The following KRT75 variants were observed in gnomAD, a reference collection of about 807,000 sequenced individuals.
KRT75 encodes the protein keratin 75.
In KRT75, 35 loss-of-function variants were observed where a neutral mutation model predicts 48.8. That is an observed-to-expected ratio of 0.72 (90% CI 0.55 to 0.95). The LOEUF is 0.95. KRT75 is among the 40% of genes least tolerant of loss of function. The pLI, the probability that KRT75 is intolerant of heterozygous loss-of-function variation, is 0.00. For synonymous variants in KRT75, 301 were observed against 282.3 expected (o/e 1.07, Z -0.66); for missense variants, 776 against 709.9 (o/e 1.09, Z -1.06).
At chr12:52,432,192 T>C in intron 2 of KRT75, 126 bp from the exon 3 acceptor site, 1 of 850,382 alleles carries the variant, frequency 1.2e-6, no homozygotes, top group Non-Finnish European at 1.9e-6. Flanking sequence ...GGCATGACTT[T>C]GGGTGATTCA....
At chr12:52,428,857 C>T in intron 5 of KRT75, 114 bp from the exon 6 acceptor site, 1 of 1,256,220 alleles carries the variant, frequency 8.0e-7, no homozygotes, top group East Asian at 2.3e-5. Flanking sequence ...CCTGGTCATT[C>T]ACTCATTCCC....
chr12:52,426,315 G>A (rs1022016300), intron 8 of KRT75, among the ~76,000 whole-genome samples: 1 of 152,212 alleles, frequency 6.6e-6, no homozygotes, highest in African/African-American at 2.4e-5. Flanking sequence ...TCCTTCTGCA[G>A]TTATACTCGG....
rs763704426 is a variant in KRT75 at position 52,433,247 on chromosome 12, C to A, written c.504G>T (p.Arg168Ser). 3.8e-5 allele frequency: 61 copies of A among 1,613,618 alleles called. No homozygotes were observed. Among genetic ancestry groups the A allele is most frequent in the Non-Finnish European group, 5.0e-5 (59 of 1,179,780 alleles). ...NKFASFIDKVRFLEQQNKVLE... is the reference protein window; with the variant it reads ...NKFASFIDKVSFLEQQNKVLE... Reference sequence around the variant, plus strand: ...GGACCTTGTTCTGCTGCTCCAAGAACCTCACCTGGAGGGAAGAAGAGAGAA... The same window carrying A: ...GGACCTTGTTCTGCTGCTCCAAGAAACTCACCTGGAGGGAAGAAGAGAGAA... Residue 168 changes from arginine to serine, a missense_variant, in exon 2 of 9, where the codon AGG becomes AGT. Transcript: ENST00000252245.
At chr12:52,426,210 G>A (rs1028980151) in intron 8 of KRT75, among the ~76,000 whole-genome samples, 2 of 152,176 alleles carry the variant, frequency 1.3e-5, no homozygotes, top group African/African-American at 4.8e-5. Flanking sequence ...CCAGCACAGG[G>A]CCATGCCAGC....
At chr12:52,432,553 T>G (rs1409238830) in intron 2 of KRT75, among the ~76,000 whole-genome samples, 1 of 152,100 alleles carries the variant, frequency 6.6e-6, no homozygotes, top group Non-Finnish European at 1.5e-5. Context: ...CTGGACCAAA[T>G]CCCTTTCCAC....
intron 8 of KRT75, among the ~76,000 whole-genome samples, chr12:52,425,147 G>T (rs144216417): frequency 1.3e-5 from 2 of 152,200 alleles, no homozygotes; most frequent in African/African-American, 4.8e-5. Context: ...TTCCCTCAGC[G>T]TCTCCCAGCC....
chr12:52,430,394 A>G, intron 5 of KRT75, 147 bp downstream of exon 5: 2 of 860,856 alleles, frequency 2.3e-6, no homozygotes, highest in Non-Finnish European at 1.9e-6. Context: ...ATGCATTTCA[A>G]GCTAAGTTGT....
chr12:52,429,407 A>G (rs1940115313), intron 5 of KRT75, among the ~76,000 whole-genome samples: 1 of 152,148 alleles, frequency 6.6e-6, no homozygotes, highest in Non-Finnish European at 1.5e-5. Flanking sequence ...TCTCAATCTA[A>G]TGGTGCATAT....
At chr12:52,428,127 A>T in intron 7 of KRT75, 129 bp downstream of exon 7, 1 of 1,170,884 alleles carries the variant, frequency 8.5e-7, no homozygotes, top group Non-Finnish European at 1.2e-6. Context: ...TTTTTGCCAT[A>T]GCCCAATTCT....
intron 2 of KRT75, 82 bp downstream of exon 2, chr12:52,432,956 T>G: frequency 7.2e-7 from 1 of 1,394,034 alleles, no homozygotes; most frequent in African/African-American, 1.4e-5. Flanking sequence ...ATATCGGCAT[T>G]TGCTCCTTTG....
intron 7 of KRT75, among the ~76,000 whole-genome samples, chr12:52,427,910 T>C (rs570666865): frequency 1.3e-5 from 2 of 152,284 alleles, no homozygotes; most frequent in Non-Finnish European, 2.9e-5. Context: ...AGCTACTTAG[T>C]GTTAGATCTG....
chr12:52,434,059 A>G lies in KRT75; in HGVS notation c.246T>C (p.Ser82=), dbSNP rs1940185201. ...TGTTGCTGGCCCTGCCACCAAAGCCACTTCGGCAGCTGCTGCCACACCCAT... is the reference window on the plus strand; with the variant it reads ...TGTTGCTGGCCCTGCCACCAAAGCCGCTTCGGCAGCTGCTGCCACACCCAT... ...SINGCGSSCR[S]GFGGRASNRF... The change falls in exon 1 of 9, where the codon AGT becomes AGC. Residue 82 remains serine (S), a synonymous_variant. Coordinates refer to ENST00000252245, the MANE Select transcript of KRT75 (RefSeq NM_004693.3). 1 of 1,614,076 alleles carries G rather than the reference A, an allele frequency of 6.2e-7. No homozygotes were observed. The highest frequency in any genetic ancestry group is 8.5e-7 in the Non-Finnish European group (1 of 1,180,004).
chr12:52,433,759 A>G (rs1940179034), intron 1 of KRT75, 48 bp downstream of exon 1: 1 of 1,613,250 alleles, frequency 6.2e-7, no homozygotes, highest in Admixed American at 1.7e-5. Flanking sequence ...CCCTTCCAAG[A>G]GTTTATTTGA....
intron 5 of KRT75, among the ~76,000 whole-genome samples, chr12:52,429,825 G>A (rs995469251): frequency 1.3e-5 from 2 of 152,198 alleles, no homozygotes; most frequent in Admixed American, 6.5e-5. Flanking sequence ...TGCCCCAAGA[G>A]GGGTCTGGAT....
chr12:52,427,356 GCATT>G (rs1940087215), intron 7 of KRT75, among the ~76,000 whole-genome samples: 1 of 152,188 alleles, frequency 6.6e-6, no homozygotes, highest in African/African-American at 2.4e-5. Flanking sequence ...GACAGAACTG[GCATT>G]CATTCATAAA....
intron 5 of KRT75, 92 bp downstream of exon 5, chr12:52,430,449 G>A (rs1221043741): frequency 7.6e-7 from 1 of 1,309,764 alleles, no homozygotes; most frequent in Non-Finnish European, 1.1e-6. Flanking sequence ...AAACGAATGT[G>A]CTCACACGTT....
intron 8 of KRT75, 147 bp from the exon 9 acceptor site, chr12:52,424,902 G>C (rs1054469806): frequency 1.4e-6 from 1 of 726,456 alleles, no homozygotes. Flanking sequence ...CCCCTGCTTA[G>C]TGAGATCACT....
In KRT75 at chr12:52,433,893, T is replaced by G; in HGVS notation, c.412A>C (p.Ile138Leu). The change falls in exon 1 of 9, where the codon ATC (isoleucine) becomes CTC (leucine). Residue 138 changes from isoleucine (I) to leucine (L), a missense_variant. Transcript: ENST00000252245. Reference sequence around the variant, plus strand: ...CGCACCCGCTGGATGGTGGGGTCGATTTGCAGGTGAAGAGGAGTCAGGAGA... The same window carrying G: ...CGCACCCGCTGGATGGTGGGGTCGAGTTGCAGGTGAAGAGGAGTCAGGAGA... ...QSLLTPLHLQ[I>L]DPTIQRVRAE... The G allele has an allele frequency of 6.2e-7, 1 of 1,614,026 alleles. No individual in the cohort carries two copies. Among genetic ancestry groups the G allele is most frequent in the Non-Finnish European group, 8.5e-7 (1 of 1,179,998 alleles).
chr12:52,430,842 C>G (rs1940135940), intron 4 of KRT75, 137 bp from the exon 5 acceptor site: 1 of 956,118 alleles, frequency 1.0e-6, no homozygotes, highest in African/African-American at 1.6e-5. Context: ...CTAGGTATTC[C>G]CATTCATCCC....
Sources: allele counts gnomAD v4.1 joint callset (sites outside exome capture counted in the v4.1 genomes callset), GRCh38; gene constraint gnomAD v4.1.1; transcripts MANE v1.5; gene names NCBI Gene and HGNC (gene_info 2026-07-23, HGNC 2026-07-21).